CASZ1: variants seen among roughly 807,000 people sequenced by gnomAD.
CASZ1 encodes castor zinc finger 1, also known as zinc finger protein castor homolog 1.
In CASZ1, 28 loss-of-function variants were observed where a neutral mutation model predicts 135.2. That is an observed-to-expected ratio of 0.21 (90% CI 0.15 to 0.28). CASZ1 has a LOEUF of 0.28. Ranked by LOEUF, CASZ1 falls within the 10% of genes least tolerant of loss-of-function variation. CASZ1 has a pLI of 1.00. For synonymous variants in CASZ1, 1,068 were observed against 1,073.4 expected (o/e 0.99, Z 0.10); for missense variants, 2,161 against 2,453.3 (o/e 0.88, Z 2.52).
Position 10,739,535 on chromosome 1 carries a change from C to T in CASZ1, c.-77+21166G>A, listed in dbSNP as rs965317929. Among the ~76,000 whole-genome samples, 9 of 152,142 alleles carry T rather than the reference C, an allele frequency of 5.9e-5. No homozygotes were observed. The highest frequency in any genetic ancestry group is 1.2e-4 in the Non-Finnish European group (8 of 68,026). On this transcript the variant is annotated intron_variant, in intron 2 of 20. Transcript: ENST00000377022. The surrounding 1 kb of genome is among the most constrained non-coding windows in gnomAD (Gnocchi z 4.8). ...CTTCCAGACCTTTCCCTGAGCCCTC[C>T]GCCCCCCGGGCCCACTCCCCGTTCT...
rs536636778 is a variant in CASZ1, at chr1:10,699,218, C to T, written c.-23-5306G>A. Among the ~76,000 whole-genome samples the T allele has an allele frequency of 1.3e-5, 2 of 152,328 alleles. No individual in the cohort carries two copies. The highest frequency in any genetic ancestry group is 4.1e-4 in the South Asian group (2 of 4,826). On this transcript the variant is annotated intron_variant, in intron 3 of 20. Transcript: ENST00000377022. This position sits in a 1 kb window ranked among gnomAD's most constrained non-coding sequence, Gnocchi z 4.6. Reference sequence around the variant, plus strand: ...CTCCCTGCACTTCCAGCTCATCCTCCGTTCTCCTTCCCCTCTCCTGGGAAG... The same window carrying T: ...CTCCCTGCACTTCCAGCTCATCCTCTGTTCTCCTTCCCCTCTCCTGGGAAG...
Position 10,774,830 on chromosome 1 carries a change from T to A in CASZ1, c.-233-13973A>T, listed in dbSNP as rs564988245. 6.6e-6 allele frequency among the ~76,000 whole-genome samples: 1 copy of A among 152,044 alleles called. No homozygotes were observed. The highest frequency in any genetic ancestry group is 2.1e-4 in the South Asian group (1 of 4,802). ...CAAGCACAGTCCTGACACTCAGAGC[T>A]CCCGCGGTCTTACAGACAAGGGAAT... On this transcript the variant is annotated intron_variant, in intron 1 of 20. Coordinates refer to ENST00000377022, the MANE Select transcript of CASZ1 (RefSeq NM_001079843.3). This position sits in a 1 kb window ranked among gnomAD's most constrained non-coding sequence, Gnocchi z 4.4.
chr1:10,751,265 G>C (rs1243727232), intron 2 of CASZ1, among the ~76,000 whole-genome samples: 6 of 152,114 alleles, frequency 3.9e-5, no homozygotes, highest in Admixed American at 6.5e-5. Flanking sequence ...GAGGCCCTGA[G>C]GGGGTCTGGC....
chr1:10,714,221 T>C (rs1570514346), intron 2 of CASZ1, among the ~76,000 whole-genome samples: 1 of 151,978 alleles, frequency 6.6e-6, no homozygotes, highest in East Asian at 1.9e-4. Flanking sequence ...GGCAGGAGAA[T>C]CGCTTGCACC....
At chr1:10,677,359 C>T (rs1638256737) in intron 4 of CASZ1, among the ~76,000 whole-genome samples, 2 of 152,034 alleles carry the variant, frequency 1.3e-5, no homozygotes, top group South Asian at 4.1e-4. Flanking sequence ...CTGGGTGGCA[C>T]CGAGGAGGGC....
chr1:10,765,284 G>C (rs933765091), intron 1 of CASZ1, among the ~76,000 whole-genome samples: 30 of 151,934 alleles, frequency 2.0e-4, no homozygotes, highest in Non-Finnish European at 3.2e-4. Context: ...GATAAGCCCG[G>C]GGTGGGGAGA....
chr1:10,743,071 G>A (rs757689506), intron 2 of CASZ1, among the ~76,000 whole-genome samples: 4 of 152,170 alleles, frequency 2.6e-5, no homozygotes, highest in South Asian at 2.1e-4. Flanking sequence ...AGTACTGAAA[G>A]AGAGCTCGGG....
chr1:10,696,793 C>T (rs1638943465), intron 3 of CASZ1, among the ~76,000 whole-genome samples: 1 of 152,252 alleles, frequency 6.6e-6, no homozygotes, highest in Non-Finnish European at 1.5e-5. Context: ...TGAATGTCTT[C>T]CTGGGCTTCA....
chr1:10,642,449 CG>C (rs768951529), intron 20 of CASZ1: 19 of 201,844 alleles, frequency 9.4e-5, no homozygotes, highest in Non-Finnish European at 4.0e-5. Context: ...AATGTGTGCA[CG>C]GATGAGCAGA....
intron 8 of CASZ1, 26 bp downstream of exon 8, chr1:10,656,620 C>T (rs375380849): frequency 1.6e-5 from 24 of 1,544,374 alleles, no homozygotes; most frequent in Middle Eastern, 1.7e-4. Context: ...GGCGGAGAGG[C>T]GGAGCCCATC....
Position 10,646,195 on chromosome 1 carries a change from T to C in CASZ1, c.3629A>G (p.Asn1210Ser). 1 of 1,614,162 alleles carries C rather than the reference T, an allele frequency of 6.2e-7. No individual in the cohort carries two copies. The highest frequency in any genetic ancestry group is 8.5e-7 in the Non-Finnish European group (1 of 1,180,016). ...ESHCLDHINPNNNLVNVRDQF... is the reference protein window; with the variant it reads ...ESHCLDHINPSNNLVNVRDQF... ...GTCTCGCACGTTCACCAGGTTGTTGTTGGGGTTGATGTGGTCCAGGCAGTG... is the reference window on the plus strand; with the variant it reads ...GTCTCGCACGTTCACCAGGTTGTTGCTGGGGTTGATGTGGTCCAGGCAGTG... The change falls in exon 17 of 21, where the codon AAC becomes AGC. Residue 1210 changes from asparagine to serine, a missense_variant. Transcript: ENST00000377022. This position sits in a 1 kb window ranked among gnomAD's most constrained non-coding sequence, Gnocchi z 6.4.
intron 2 of CASZ1, among the ~76,000 whole-genome samples, chr1:10,740,827 G>A (rs147190981): frequency 0.013 from 1,964 of 151,634 alleles, 12 homozygotes; most frequent in Non-Finnish European, 0.017. Flanking sequence ...TTGCGGTGGC[G>A]CACACCTGTA....
intron 3 of CASZ1, among the ~76,000 whole-genome samples, chr1:10,696,513 G>A (rs573524776): frequency 1.3e-5 from 2 of 152,346 alleles, no homozygotes; most frequent in South Asian, 4.1e-4. Flanking sequence ...GTCCAGGACC[G>A]CTGTGGGGTA....
intron 2 of CASZ1, among the ~76,000 whole-genome samples, chr1:10,732,901 C>T: frequency 6.6e-6 from 1 of 152,118 alleles, no homozygotes; most frequent in East Asian, 1.9e-4. Flanking sequence ...TCACAGGATG[C>T]CCTGGGCCCC....
rs1640902786 is a variant in CASZ1 at position 10,788,768 on chromosome 1, G to C, written c.-234+7796C>G. On this transcript the variant is annotated intron_variant, in intron 1 of 20. Coordinates refer to ENST00000377022, the MANE Select transcript of CASZ1 (RefSeq NM_001079843.3). The surrounding 1 kb of genome is among the most constrained non-coding windows in gnomAD (Gnocchi z 4.1). The stretch of plus-strand genomic sequence containing the variant: ...TGGAAGCTGGTCACTGGCAGGGCTG[G>C]CCCGGGAGCTGTGCCATGCCCTGGG... 6.6e-6 allele frequency among the ~76,000 whole-genome samples: 1 copy of C among 152,108 alleles called. No homozygotes were observed. Among genetic ancestry groups the C allele is most frequent in the African/African-American group, 2.4e-5 (1 of 41,424 alleles).
chr1:10,689,164 G>A (rs1185057038), intron 4 of CASZ1, among the ~76,000 whole-genome samples: 1 of 152,062 alleles, frequency 6.6e-6, no homozygotes, highest in African/African-American at 2.4e-5. Context: ...TTCTAGAGGA[G>A]GCTGATGGAG....
intron 6 of CASZ1, among the ~76,000 whole-genome samples, chr1:10,659,342 C>T (rs1448266990): frequency 2.6e-5 from 4 of 152,142 alleles, no homozygotes; most frequent in African/African-American, 7.2e-5. Context: ...TGGGCAGTCC[C>T]GGTGTGCATG....
chr1:10,760,588 AACCC>A (rs1640354275), intron 2 of CASZ1, 109 bp downstream of exon 2: 1 of 152,270 alleles, frequency 6.6e-6, no homozygotes, highest in Non-Finnish European at 1.5e-5. Context: ...TCAGGATCAG[AACCC>A]ACTGGGAAAG....
Position 10,727,626 on chromosome 1 carries a change from G to A in CASZ1, c.-76-22082C>T, listed in dbSNP as rs1053795585. Among the ~76,000 whole-genome samples, 1 of 152,190 alleles carries A rather than the reference G, an allele frequency of 6.6e-6. No individual in the cohort carries two copies. The highest frequency in any genetic ancestry group is 6.5e-5 in the Admixed American group (1 of 15,286). On this transcript the variant is annotated intron_variant, in intron 2 of 20. Coordinates refer to ENST00000377022, the MANE Select transcript of CASZ1 (RefSeq NM_001079843.3). The surrounding 1 kb of genome is among the most constrained non-coding windows in gnomAD (Gnocchi z 5.3). ...AAACCCCTTTCCCAAGGTGCCAGGA[G>A]TTACAATAGGAACTTCTGCCTTCCC...
Sources: gnomAD v4.1 joint callset for allele counts (sites outside exome capture counted in the v4.1 genomes callset) on GRCh38, gnomAD v4.1.1 for gene constraint, Gnocchi (gnomAD v3.1) non-coding constraint, MANE v1.5 for transcripts, NCBI Gene and HGNC (gene_info 2026-07-23, HGNC 2026-07-21) for gene names.